Variants in ERBB2 observed in about 807,000 individuals in gnomAD.
ERBB2 encodes receptor tyrosine-protein kinase erbB-2.
In ERBB2, 61 loss-of-function variants were observed where a neutral mutation model predicts 149.0. The ratio of observed to expected loss-of-function variants is 0.41; its 90% CI spans 0.33 to 0.51. The LOEUF (loss-of-function observed/expected upper bound fraction) is 0.51, where lower values mean the gene tolerates loss of function less well. Ranked by LOEUF, ERBB2 falls within the 20% of genes least tolerant of loss-of-function variation. The pLI, the probability that ERBB2 is intolerant of heterozygous loss-of-function variation, is 0.25. For synonymous variants in ERBB2, 633 were observed against 678.8 expected (o/e 0.93, Z 1.05); for missense variants, 1,205 against 1,655.1 (o/e 0.73, Z 4.72).
chr17:39,720,564 TG>T (rs2059393684), intron 16 of ERBB2, among the ~76,000 whole-genome samples: 1 of 152,196 alleles, frequency 6.6e-6, no homozygotes, highest in Admixed American at 6.5e-5. Context: ...TACCAGACCC[TG>T]TGCTAAGCAA....
rs1191350855 is a variant in ERBB2, at chr17:39,716,611, C to T, written c.1737+6C>T. 1 of 1,613,550 alleles carries T rather than the reference C, an allele frequency of 6.2e-7. No homozygotes were observed. Among genetic ancestry groups the T allele is most frequent in the Non-Finnish European group, 8.5e-7 (1 of 1,179,722 alleles). On this transcript the variant is annotated splice_donor_region_variant and intron_variant, in intron 14 of 26. Transcript: ENST00000269571. ...CAGTGACCTGTTTTGGACCGGTGAG[C>T]TGCTGGCGGGCTCAGAGCTGGGTGG...
intron 9 of ERBB2, among the ~76,000 whole-genome samples, chr17:39,714,395 C>T (rs973943374): frequency 2.6e-5 from 4 of 152,188 alleles, no homozygotes; most frequent in Non-Finnish European, 4.4e-5. Context: ...GTTTGAAACC[C>T]GGCTCTACCA....
In ERBB2 at chr17:39,725,436, A is replaced by AG; in HGVS notation, c.2725+36dup. 6.3e-7 allele frequency: 1 copy of AG among 1,592,796 alleles called. No homozygotes were observed. The highest frequency in any genetic ancestry group is 8.6e-7 in the Non-Finnish European group (1 of 1,161,358). ...TGGGGGGTGTTGGGAGGGGTGGGTG[A>AG]GGAGCCATGGCTGGAGGGAGGATGA... On this transcript the variant is annotated intron_variant, in intron 22 of 26. Transcript: ENST00000269571. The surrounding 1 kb of genome is among the most constrained non-coding windows in gnomAD (Gnocchi z 4.6).
chr17:39,727,339 G>A lies in ERBB2; in HGVS notation c.3204G>A (p.Glu1068=), dbSNP rs2059831355. 3 of 1,612,298 alleles carry A rather than the reference G, an allele frequency of 1.9e-6. No individual in the cohort carries two copies. The highest frequency in any genetic ancestry group is 4.5e-5 in the East Asian group (2 of 44,866). ...DLTLGLEPSE[E]EAPRSPLAPS... ...CACTAGGGCTGGAGCCCTCTGAAGAGGAGGCCCCCAGGTCTCCACTGGCAC... is the reference window on the plus strand; with the variant it reads ...CACTAGGGCTGGAGCCCTCTGAAGAAGAGGCCCCCAGGTCTCCACTGGCAC... Residue 1068 remains glutamate (E), a synonymous_variant, in exon 26 of 27, where the codon GAG becomes GAA. Transcript: ENST00000269571. This position sits in a 1 kb window ranked among gnomAD's most constrained non-coding sequence, Gnocchi z 4.3.
intron 5 of ERBB2, 96 bp from the exon 6 acceptor site, chr17:39,709,990 C>A: frequency 6.7e-7 from 1 of 1,495,162 alleles, no homozygotes; most frequent in Non-Finnish European, 9.3e-7. Context: ...CTTGGGATGT[C>A]TCCCCTGGGC....
At position 39,728,481 on chromosome 17, in the gene ERBB2, T is replaced by C; in HGVS notation, c.*437T>C. 1 of 246,646 alleles carries C rather than the reference T, an allele frequency of 4.1e-6. No homozygotes were observed. The highest frequency in any genetic ancestry group is 7.8e-6 in the Non-Finnish European group (1 of 127,724). The allele number at this position is 246,646 out of a possible 1,614,324, so 15.3% of individuals were successfully genotyped here. The stretch of plus-strand genomic sequence containing the variant: ...CCCCATGAGGAAGGAACAGCAATGG[T>C]GTCAGTATCCAGGCTTTGTACAGAG... On this transcript the variant is annotated 3_prime_UTR_variant, in exon 27 of 27. Transcript: ENST00000269571.
chr17:39,690,303 C>G (rs1282031386), upstream of ERBB2, among the ~76,000 whole-genome samples: 1 of 152,132 alleles, frequency 6.6e-6, no homozygotes, highest in African/African-American at 2.4e-5. Flanking sequence ...CTAGACTGGT[C>G]TCCAATTCCT....
At position 39,715,122 on chromosome 17, in the gene ERBB2, G is replaced by A. The variant is rs556581744; in HGVS notation, c.1149-164G>A. On this transcript the variant is annotated intron_variant, in intron 9 of 26. Transcript: ENST00000269571. Reference sequence around the variant, plus strand: ...AAATACTGTTTTGATAGATGTTGCCGAACTAAGGCCTGGGCTTTGAAGCCC... The same window carrying A: ...AAATACTGTTTTGATAGATGTTGCCAAACTAAGGCCTGGGCTTTGAAGCCC... 8.5e-5 allele frequency among the ~76,000 whole-genome samples: 13 copies of A among 152,294 alleles called. No homozygotes were observed. In the East Asian group the frequency reaches 9.7e-4, roughly 11 times the overall value.
At chr17:39,694,554 T>A (rs12601489), upstream of ERBB2, 4 of 151,564 alleles carry the variant, frequency 2.6e-5, no homozygotes, top group East Asian at 7.8e-4. Flanking sequence ...TCTTAAAGAA[T>A]GATTGGATTT....
At chr17:39,719,978 A>C in intron 16 of ERBB2, 144 bp downstream of exon 16, 2 of 767,954 alleles carry the variant, frequency 2.6e-6, no homozygotes, top group Non-Finnish European at 4.5e-6. Flanking sequence ...GTCATTTTCC[A>C]CTTCACCAAG....
rs2059128315 is a variant in ERBB2, at chr17:39,716,404, G to A, written c.1617G>A (p.Glu539=). Residue 539 remains glutamate, a synonymous_variant, in exon 13 of 27, where the codon GAG becomes GAA. Coordinates refer to ENST00000269571, the MANE Select transcript of ERBB2 (RefSeq NM_004448.4). ...GCAGCCAGTTCCTTCGGGGCCAGGA[G>A]TGCGTGGAGGAATGCCGAGTACTGC... ...VNCSQFLRGQ[E]CVEECRVLQG... 6.2e-7 allele frequency: 1 copy of A among 1,609,154 alleles called. No homozygotes were observed.
chr17:39,688,966 G>C (rs2057629035), intron 2 of ERBB2, among the ~76,000 whole-genome samples: 1 of 152,118 alleles, frequency 6.6e-6, no homozygotes, highest in Non-Finnish European at 1.5e-5. Context: ...GGAACAGGAC[G>C]CTTGCTTTAG....
rs577467099 is a variant in ERBB2 at position 39,724,127 on chromosome 17, T to G, written c.2307+117T>G. On this transcript the variant is annotated intron_variant, in intron 19 of 26. Transcript: ENST00000269571. ...AGATATGACTCCCGCAAACCTAGACTATTTTTTTGGAGACGGAGTCTTGCT... is the reference window on the plus strand; with the variant it reads ...AGATATGACTCCCGCAAACCTAGACGATTTTTTTGGAGACGGAGTCTTGCT... 6 of 693,562 alleles carry G rather than the reference T, an allele frequency of 8.7e-6. No homozygotes were observed. The East Asian group carries it at 1.1e-4, about 13-fold the overall frequency. The allele number at this position is 693,562 out of a possible 1,614,324, so 43.0% of individuals were successfully genotyped here.
chr17:39,693,694 G>T (rs1355878068), upstream of ERBB2, among the ~76,000 whole-genome samples: 1 of 151,624 alleles, frequency 6.6e-6, no homozygotes, highest in Non-Finnish European at 1.5e-5. Flanking sequence ...GGAGGCAGAG[G>T]TTGCAGTGAG....
In ERBB2 at chr17:39,712,969, G is replaced by A. The variant is rs115761749; in HGVS notation, c.1148+521G>A. On this transcript the variant is annotated intron_variant, in intron 9 of 26. Coordinates refer to ENST00000269571, the MANE Select transcript of ERBB2 (RefSeq NM_004448.4). ...ACTCTGTGGTGGGAGAGATCAGAACGGTGGTTGCCCCAGGGTGGGGGGCTT... is the reference window on the plus strand; with the variant it reads ...ACTCTGTGGTGGGAGAGATCAGAACAGTGGTTGCCCCAGGGTGGGGGGCTT... 3.5e-3 allele frequency among the ~76,000 whole-genome samples: 540 copies of A among 152,282 alleles called. 3 individuals carry two copies. The highest frequency in any genetic ancestry group is 0.012 in the African/African-American group (510 of 41,542).
At chr17:39,718,589 G>A (rs368657055) in intron 15 of ERBB2, among the ~76,000 whole-genome samples, 3 of 152,106 alleles carry the variant, frequency 2.0e-5, no homozygotes, top group East Asian at 3.9e-4. Context: ...CTTGAGATCA[G>A]GAGTTCGAGA....
Position 39,719,557 on chromosome 17 carries a change from A to G in ERBB2, c.1899-230A>G, listed in dbSNP as rs548085923. 9.1e-4 allele frequency among the ~76,000 whole-genome samples: 139 copies of G among 152,292 alleles called. 1 individual carries two copies. Among genetic ancestry groups the G allele is most frequent in the African/African-American group, 2.8e-3 (117 of 41,552 alleles). On this transcript the variant is annotated intron_variant, in intron 15 of 26. Coordinates refer to ENST00000269571, the MANE Select transcript of ERBB2 (RefSeq NM_004448.4). ...TTCTGGGTGCCCCTCCCCGCTTCCT[A>G]TCCACCACAAGGAGCTGCAGGGGAG...
In ERBB2 at chr17:39,719,521, C is replaced by T. The variant is rs192649299; in HGVS notation, c.1899-266C>T. On this transcript the variant is annotated intron_variant, in intron 15 of 26. Transcript: ENST00000269571. ...TCTATGGAGGGAATAGTTGAGCTCC[C>T]GGGCTTGCTCTTCTGGGTGCCCCTC... 2.7e-4 allele frequency among the ~76,000 whole-genome samples: 41 copies of T among 152,314 alleles called. No individual in the cohort carries two copies. In the East Asian group the frequency reaches 6.8e-3, roughly 25 times the overall value.
chr17:39,696,844 C>T (rs2517951), upstream of ERBB2: 79,706 of 152,098 alleles, frequency 0.52, 23,865 homozygotes, highest in South Asian at 0.67. Context: ...GGGGTGGGGC[C>T]TGGGGAGAAA....
Sources: allele counts gnomAD v4.1 joint callset (sites outside exome capture counted in the v4.1 genomes callset), GRCh38; gene constraint gnomAD v4.1.1; non-coding constraint Gnocchi (gnomAD v3.1); transcripts MANE v1.5; gene names NCBI Gene and HGNC (gene_info 2026-07-23, HGNC 2026-07-21).